HDAC9: variants seen among roughly 807,000 people sequenced by gnomAD.
The protein encoded by HDAC9 is MEF-2 interacting transcription repressor (MITR) protein.
HDAC9 carries 41 observed loss-of-function variants against 139.4 expected under a neutral mutation model. The observed-to-expected ratio is 0.29, with a 90% CI of 0.23 to 0.38. The LOEUF (loss-of-function observed/expected upper bound fraction) is 0.38, where lower values mean the gene tolerates loss of function less well. Ranked by LOEUF, HDAC9 falls within the 10% of genes least tolerant of loss-of-function variation. The pLI, the probability that HDAC9 is intolerant of heterozygous loss-of-function variation, is 1.00. For missense variants in HDAC9, 1,147 were observed against 1,297.0 expected (o/e 0.88, Z 1.78); for synonymous variants, 517 against 476.2 (o/e 1.09, Z -1.12).
chr7:18,614,137 G>C lies in HDAC9; in HGVS notation c.665-15213G>C, dbSNP rs77442518. Among the ~76,000 whole-genome samples the C allele has an allele frequency of 1.4e-3, 209 of 152,212 alleles. 2 individuals are homozygous for C. The East Asian group carries it at 0.038, about 28-fold the overall frequency. ...TTCTCATCTATAAAATGAATAGGTT[G>C]ATCAGGACTGCCTTCATTTTTTTTC... On this transcript the variant is annotated intron_variant, in intron 6 of 25. Transcript: ENST00000686413.
intron 25 of HDAC9, among the ~76,000 whole-genome samples, chr7:18,992,705 CCTT>C (rs1360566116): frequency 6.6e-6 from 1 of 151,792 alleles, no homozygotes; most frequent in Non-Finnish European, 1.5e-5. Context: ...GAAATTACTT[CCTT>C]TTTTTTTTAC....
At chr7:18,706,726 A>C (rs1442405665) in intron 12 of HDAC9, among the ~76,000 whole-genome samples, 1 of 152,200 alleles carries the variant, frequency 6.6e-6, no homozygotes, top group Non-Finnish European at 1.5e-5. Flanking sequence ...GGGTGCTGCT[A>C]AACATCTTAC....
intron 16 of HDAC9, among the ~76,000 whole-genome samples, chr7:18,770,893 C>A (rs764098644): frequency 6.6e-5 from 10 of 152,164 alleles, no homozygotes; most frequent in Non-Finnish European, 1.0e-4. Flanking sequence ...ATGATGTTTG[C>A]AAACAGGATA....
At chr7:18,366,760 A>G (rs1784212633) in intron 1 of HDAC9, among the ~76,000 whole-genome samples, 1 of 152,118 alleles carries the variant, frequency 6.6e-6, no homozygotes, top group Non-Finnish European at 1.5e-5. Flanking sequence ...AGAAATCCTC[A>G]TAGCTATTCA....
chr7:18,149,021 T>G (rs141916940), intron 1 of HDAC9, among the ~76,000 whole-genome samples: 2 of 152,336 alleles, frequency 1.3e-5, no homozygotes, highest in African/African-American at 4.8e-5. Context: ...ATTGCTATTT[T>G]AAATGGTGTG....
intron 1 of HDAC9, among the ~76,000 whole-genome samples, chr7:18,444,038 A>G (rs1487540825): frequency 6.6e-6 from 1 of 151,972 alleles, no homozygotes; most frequent in Non-Finnish European, 1.5e-5. Context: ...GCTGGCCACT[A>G]CTAACAAAGG....
At chr7:18,432,580 A>C (rs746494086) in intron 1 of HDAC9, among the ~76,000 whole-genome samples, 9 of 152,192 alleles carry the variant, frequency 5.9e-5, no homozygotes, top group Admixed American at 1.3e-4. Flanking sequence ...ATCTTCCCCT[A>C]TAATTGGGAA....
intron 2 of HDAC9, among the ~76,000 whole-genome samples, chr7:18,202,438 A>T (rs1393878024): frequency 6.6e-6 from 1 of 152,024 alleles, no homozygotes; most frequent in Non-Finnish European, 1.5e-5. Context: ...AGACACTTGT[A>T]CTTAATTCAG....
intron 25 of HDAC9, among the ~76,000 whole-genome samples, chr7:18,990,429 G>T (rs1785795852): frequency 6.6e-6 from 1 of 152,192 alleles, no homozygotes; most frequent in African/African-American, 2.4e-5. Context: ...CTGCGTGCTG[G>T]GAGAGCCACT....
intron 1 of HDAC9, among the ~76,000 whole-genome samples, chr7:18,323,397 A>T (rs925205004): frequency 6.6e-6 from 1 of 152,100 alleles, no homozygotes; most frequent in South Asian, 2.1e-4. Context: ...ACTATTCTCA[A>T]CACTTTAGTG....
At chr7:18,162,186 A>C in intron 1 of HDAC9, 1 of 711,052 alleles carries the variant, frequency 1.4e-6, no homozygotes, top group Non-Finnish European at 2.4e-6. Flanking sequence ...GTGTGACTTG[A>C]TATAGCTTGT....
intron 22 of HDAC9, among the ~76,000 whole-genome samples, chr7:18,925,351 T>A (rs1009364391): frequency 1.3e-5 from 2 of 152,118 alleles, no homozygotes; most frequent in Non-Finnish European, 2.9e-5. Flanking sequence ...GGTGAATAAA[T>A]GAGATAATGC....
chr7:18,403,313 A>G (rs1261936827), intron 1 of HDAC9, among the ~76,000 whole-genome samples: 1 of 152,186 alleles, frequency 6.6e-6, no homozygotes, highest in East Asian at 1.9e-4. Context: ...CATCATTACT[A>G]TAGAATGGCA....
intron 1 of HDAC9, among the ~76,000 whole-genome samples, chr7:18,152,677 A>G (rs898660480): frequency 1.3e-5 from 2 of 152,178 alleles, no homozygotes; most frequent in African/African-American, 4.8e-5. Flanking sequence ...CAACTCCCCC[A>G]GCTCTGAACA....
rs116083486 is a variant in HDAC9 at position 18,567,879 on chromosome 7, A to C, written c.23-17402A>C. Among the ~76,000 whole-genome samples, 382 of 152,040 alleles carry C rather than the reference A, an allele frequency of 2.5e-3. 2 individuals carry two copies. Among genetic ancestry groups the C allele is most frequent in the African/African-American group, 8.6e-3 (359 of 41,510 alleles). On this transcript the variant is annotated intron_variant, in intron 2 of 25. Transcript: ENST00000686413. ...TAAAACATTCAGAATAAACTATATCAACCCACACATTAACAAACATTTAAA... is the reference window on the plus strand; with the variant it reads ...TAAAACATTCAGAATAAACTATATCCACCCACACATTAACAAACATTTAAA...
At position 18,431,711 on chromosome 7, in the gene HDAC9, A is replaced by T. The variant is rs532916206; in HGVS notation, c.-41-64551A>T. Among the ~76,000 whole-genome samples the T allele has an allele frequency of 3.3e-5, 5 of 152,348 alleles. No individual in the cohort carries two copies. In the South Asian group the frequency reaches 1.0e-3, roughly 32 times the overall value. The stretch of plus-strand genomic sequence containing the variant: ...TATTAGATAAATACATACTGGATTG[A>T]TGAATGAGGGACTTATATGCTACTT... On this transcript the variant is annotated intron_variant, in intron 1 of 3. Transcript: ENST00000413509.
chr7:18,609,819 C>T (rs1341072703), intron 6 of HDAC9, among the ~76,000 whole-genome samples: 1 of 148,598 alleles, frequency 6.7e-6, no homozygotes, highest in Non-Finnish European at 1.5e-5. Context: ...TGTGATGTTC[C>T]GTTTCCTGTG....
intron 1 of HDAC9, among the ~76,000 whole-genome samples, chr7:18,095,345 G>A (rs1528682): frequency 0.15 from 22,189 of 150,438 alleles, 1,739 homozygotes; most frequent in Admixed American, 0.21. Context: ...ATAATAAAAA[G>A]GCTACTGTAT....
At chr7:18,804,500 T>C (rs1327907874) in intron 17 of HDAC9, among the ~76,000 whole-genome samples, 1 of 152,182 alleles carries the variant, frequency 6.6e-6, no homozygotes, top group Non-Finnish European at 1.5e-5. Flanking sequence ...TGATTGTGAA[T>C]AAGGAAAGCT....
Sources: gnomAD v4.1 joint callset for allele counts (sites outside exome capture counted in the v4.1 genomes callset) on GRCh38, gnomAD v4.1.1 for gene constraint, MANE v1.5 for transcripts, NCBI Gene and HGNC (gene_info 2026-07-23, HGNC 2026-07-21) for gene names.